LRRK1: variants seen among roughly 807,000 people sequenced by gnomAD.
The protein encoded by LRRK1 is leucine-rich repeat serine/threonine-protein kinase 1.
Under a neutral mutation model 209.1 loss-of-function variants are expected in LRRK1, and 113 were observed. The ratio of observed to expected loss-of-function variants is 0.54; its 90% CI spans 0.46 to 0.63. The LOEUF is 0.63. LRRK1 is among the 30% of genes least tolerant of loss of function. LRRK1 has a pLI of 0.00. For missense variants in LRRK1, 2,284 were observed against 2,632.2 expected (o/e 0.87, Z 2.89); for synonymous variants, 1,144 against 1,099.7 (o/e 1.04, Z -0.80).
intron 6 of LRRK1, among the ~76,000 whole-genome samples, chr15:101,008,572 G>GTT (rs2033087734): frequency 2.6e-5 from 4 of 151,950 alleles, no homozygotes; most frequent in Non-Finnish European, 5.9e-5. Flanking sequence ...GCGCCCACCG[G>GTT]CGCCCTCTGG....
intron 27 of LRRK1, 79 bp downstream of exon 27, chr15:101,055,302 C>T (rs2035734288): frequency 2.9e-6 from 4 of 1,359,172 alleles, no homozygotes; most frequent in Non-Finnish European, 3.9e-6. Flanking sequence ...CCTGGAGGCA[C>T]CTGAAGCTTC....
intron 27 of LRRK1, among the ~76,000 whole-genome samples, chr15:101,055,835 G>A (rs1377055365): frequency 6.6e-6 from 1 of 152,192 alleles, no homozygotes; most frequent in Admixed American, 6.5e-5. Context: ...TACCACGCAT[G>A]TATTACATCT....
intron 2 of LRRK1, among the ~76,000 whole-genome samples, chr15:100,951,006 G>A (rs2042639658): frequency 6.6e-6 from 1 of 152,216 alleles, no homozygotes; most frequent in Non-Finnish European, 1.5e-5. Flanking sequence ...GGGAGGCTGA[G>A]GCAGGAGAAT....
chr15:100,959,467 C>T (rs555839757), intron 2 of LRRK1, among the ~76,000 whole-genome samples: 185 of 152,174 alleles, frequency 1.2e-3, no homozygotes, highest in Non-Finnish European at 9.4e-4. Flanking sequence ...GGGTGCACCC[C>T]TGCGCTAGGC....
chr15:100,962,823 A>ATATACATATATATATATATATATATATT lies in LRRK1; in HGVS notation c.98-10980_98-10979insATACATATATATATATATATATATATTT. ...TATATATATATATATATATATATAT[A>ATATACATATATATATATATATATATATT]TTTTTTTTTTTTTTTTTGAGATGGA... On this transcript the variant is annotated intron_variant, in intron 2 of 33. Transcript: ENST00000388948. Among the ~76,000 whole-genome samples the ATATACATATATATATATATATATATATT allele has an allele frequency of 5.2e-4, 6 of 11,548 alleles. 1 individual carries two copies. The highest frequency in any genetic ancestry group is 1.3e-3 in the African/African-American group (5 of 3,962). The allele number at this position is 11,548 out of a possible 152,430, so 7.6% of individuals were successfully genotyped here.
In LRRK1 at chr15:101,045,970, G is replaced by A. The variant is rs1012508877; in HGVS notation, c.2964-11G>A. On this transcript the variant is annotated splice_polypyrimidine_tract_variant and intron_variant, in intron 20 of 33. Coordinates refer to ENST00000388948, the MANE Select transcript of LRRK1 (RefSeq NM_024652.6). ...CCCCACTGTTCACCAGTCCCCCTTG[G>A]TGTGTTTCAGCTACCTCCTGCCCCA... The A allele has an allele frequency of 6.2e-7, 1 of 1,613,546 alleles. No homozygotes were observed. Among genetic ancestry groups the A allele is most frequent in the Non-Finnish European group, 8.5e-7 (1 of 1,179,586 alleles).
intron 2 of LRRK1, among the ~76,000 whole-genome samples, chr15:100,962,693 A>T (rs909232209): frequency 6.7e-6 from 1 of 148,764 alleles, no homozygotes; most frequent in Non-Finnish European, 1.5e-5. Flanking sequence ...AAAATAATAG[A>T]CTGTATGTAT....
chr15:100,926,171 T>C (rs2042106032), intron 2 of LRRK1, among the ~76,000 whole-genome samples: 1 of 152,238 alleles, frequency 6.6e-6, no homozygotes, highest in African/African-American at 2.4e-5. Flanking sequence ...AGTGTTCAAC[T>C]TGCATCTTTG....
chr15:101,033,735 C>G (rs983278647), intron 20 of LRRK1, among the ~76,000 whole-genome samples: 1 of 152,110 alleles, frequency 6.6e-6, no homozygotes, highest in African/African-American at 2.4e-5. Context: ...TAAGGGAATC[C>G]AGGTATCCCT....
At chr15:101,017,841 C>T (rs977334664) in intron 12 of LRRK1, among the ~76,000 whole-genome samples, 3 of 151,800 alleles carry the variant, frequency 2.0e-5, no homozygotes, top group South Asian at 2.1e-4. Context: ...CGTTAATAAA[C>T]GGTGTTGATA....
Position 101,029,088 on chromosome 15 carries a change from C to G in LRRK1, c.2819C>G (p.Ser940Cys), listed in dbSNP as rs185373027. 29 of 1,614,174 alleles carry G rather than the reference C, an allele frequency of 1.8e-5. No homozygotes were observed. The East Asian group carries it at 6.5e-4, about 36-fold the overall frequency. ...CAGAGGATCTTTAATATTAAGGGCT[C>G]TCGGTCAGTGGCCAAGAATGGGGTG... ...CLQRIFNIKG[S>C]RSVAKNGVIR... The change falls in exon 20 of 34, where the codon TCT becomes TGT. Residue 940 changes from serine to cysteine, a missense_variant. Physicochemically the swap from Ser to Cys is moderately radical, Grantham distance 112 (BLOSUM62 -1). Around this residue, in one of 6 missense-constraint regions of LRRK1, gnomAD observed 780 missense variants for 985.2 expected, o/e 0.79. Transcript: ENST00000388948.
chr15:101,012,216 G>GCACA, intron 10 of LRRK1, 71 bp downstream of exon 10: 1 of 1,311,570 alleles, frequency 7.6e-7, no homozygotes, highest in Non-Finnish European at 1.1e-6. Flanking sequence ...GCAGTGAAAT[G>GCACA]TATGTGCTTT....
At chr15:100,972,363 A>AGAGAGTGTGTGTGT (rs1176201849) in intron 2 of LRRK1, among the ~76,000 whole-genome samples, 34 of 98,472 alleles carry the variant, frequency 3.5e-4, no homozygotes, top group African/African-American at 1.3e-3. Flanking sequence ...AGAGAGAGAG[A>AGAGAGTGTGTGTGT]GTGTGTGTGT....
chr15:100,985,869 T>C (rs2031837938), intron 4 of LRRK1, among the ~76,000 whole-genome samples: 1 of 149,268 alleles, frequency 6.7e-6, no homozygotes, highest in Non-Finnish European at 1.5e-5. Context: ...GGAAGGGAAG[T>C]CAGCCATGGT....
At chr15:100,993,069 C>G (rs1162933426) in intron 6 of LRRK1, among the ~76,000 whole-genome samples, 1 of 152,180 alleles carries the variant, frequency 6.6e-6, no homozygotes, top group Non-Finnish European at 1.5e-5. Flanking sequence ...ACTGCAGGGC[C>G]TTCGTCTGTG....
Position 101,022,614 on chromosome 15 carries a change from G to C in LRRK1, c.2067+17G>C, listed in dbSNP as rs374177935. 2 of 1,554,768 alleles carry C rather than the reference G, an allele frequency of 1.3e-6. No homozygotes were observed. The highest frequency in any genetic ancestry group is 1.8e-5 in the Admixed American group (1 of 56,780). On this transcript the variant is annotated intron_variant, in intron 15 of 33. Coordinates refer to ENST00000388948, the MANE Select transcript of LRRK1 (RefSeq NM_024652.6). The surrounding 1 kb of genome is among the most constrained non-coding windows in gnomAD (Gnocchi z 4.0). ...AGAGCCAAGGTCAAGGATGGTCTGC[G>C]TGCAGAGTCCCTGTGGGTGGGAGGA...
chr15:100,941,705 A>G (rs368313511), intron 2 of LRRK1, among the ~76,000 whole-genome samples: 12 of 152,310 alleles, frequency 7.9e-5, no homozygotes, highest in African/African-American at 2.9e-4. Context: ...GAGGAGGGCC[A>G]GGGGACTGTA....
chr15:100,965,854 T>C (rs980738434), intron 2 of LRRK1, among the ~76,000 whole-genome samples: 9 of 152,204 alleles, frequency 5.9e-5, no homozygotes, highest in African/African-American at 1.9e-4. Flanking sequence ...ATGACATAAA[T>C]TATAATTTAG....
At chr15:100,947,814 G>C (rs1290408485) in intron 2 of LRRK1, among the ~76,000 whole-genome samples, 2 of 152,216 alleles carry the variant, frequency 1.3e-5, no homozygotes, top group Non-Finnish European at 2.9e-5. Flanking sequence ...GGAAAAACAA[G>C]ATGCAGAACA....
Sources: gnomAD v4.1 joint callset for allele counts (sites outside exome capture counted in the v4.1 genomes callset) on GRCh38, gnomAD v4.1.1 for gene constraint, gnomAD v4.1.1 regional missense constraint, Gnocchi (gnomAD v3.1) non-coding constraint, MANE v1.5 for transcripts, NCBI Gene and HGNC (gene_info 2026-07-23, HGNC 2026-07-21) for gene names.